Variants in STRN observed in about 807,000 individuals in gnomAD.
STRN encodes the protein protein phosphatase 2 regulatory subunit B'''alpha.
A neutral mutation model predicts 96.3 loss-of-function variants in STRN; 53 were observed. The observed-to-expected ratio is 0.55, with a 90% CI of 0.44 to 0.69. The LOEUF (loss-of-function observed/expected upper bound fraction) is 0.69. Among genes scored for constraint, STRN ranks in the 30% least tolerant of loss-of-function variants. The pLI, the probability that STRN is intolerant of heterozygous loss-of-function variation, is 0.00. For missense variants in STRN, 987 were observed against 963.9 expected (o/e 1.02, Z -0.32); for synonymous variants, 428 against 355.9 (o/e 1.20, Z -2.28).
At chr2:36,931,259 G>A (rs1210234635) in intron 1 of STRN, among the ~76,000 whole-genome samples, 1 of 151,992 alleles carries the variant, frequency 6.6e-6, no homozygotes, top group Non-Finnish European at 1.5e-5. Flanking sequence ...TATACTTTTG[G>A]CAGTCTCCTG....
In STRN at chr2:36,905,672, TCTTAATTCATTA is replaced by T. The variant is rs1174007454; in HGVS notation, c.413-66_413-55del. On this transcript the variant is annotated intron_variant, in intron 3 of 17. Coordinates refer to ENST00000263918, the MANE Select transcript of STRN (RefSeq NM_003162.4). Reference sequence around the variant, plus strand: ...GACTTGTTTTACGTATTAGAGGGCATCTTAATTCATTAATAACGTCCAATAAACATTTATAAG... The same window carrying T: ...GACTTGTTTTACGTATTAGAGGGCATATAACGTCCAATAAACATTTATAAG... The T allele has an allele frequency of 8.0e-5, 114 of 1,425,078 alleles. 1 individual carries two copies. In the South Asian group the frequency reaches 1.1e-3, roughly 14 times the overall value. The allele number at this position is 1,425,078 out of a possible 1,614,324, so 88.3% of individuals were successfully genotyped here. A position where few individuals can be genotyped will look rare whatever the true frequency, so the allele number is the denominator to read the frequency against.
intron 16 of STRN, among the ~76,000 whole-genome samples, chr2:36,850,013 ACTTTTGT>A (rs1359891459): frequency 3.3e-5 from 5 of 152,218 alleles, no homozygotes; most frequent in Admixed American, 6.5e-5. Flanking sequence ...TTTAGATTAC[ACTTTTGT>A]CTTTTAAGCC....
intron 1 of STRN, among the ~76,000 whole-genome samples, chr2:36,928,143 C>G (rs963915002): frequency 6.6e-6 from 1 of 151,474 alleles, no homozygotes; most frequent in Non-Finnish European, 1.5e-5. Context: ...TAAAAAAAAA[C>G]GAATTCCTTC....
Position 36,899,534 on chromosome 2 carries a change from CA to C in STRN, c.783del (p.Ile261MetfsTer25). The C allele has an allele frequency of 6.2e-7, 1 of 1,612,354 alleles. No individual in the cohort carries two copies. Among genetic ancestry groups the C allele is most frequent in the Non-Finnish European group, 8.5e-7 (1 of 1,179,638 alleles). On this transcript the variant is annotated frameshift_variant, in exon 6 of 18. Transcript: ENST00000263918. LOFTEE classifies it high-confidence loss of function. ...DDVDGREKSV[I>X]DTSTIVRKKA... ...GTTATCTAACTCACTGTTGAAGTAT[CA>C]ATGACGCTTTTCTCTCTTCCATCAA...
At position 36,949,077 on chromosome 2, in the gene STRN, C is replaced by T. The variant is rs1055791451; in HGVS notation, c.234+17153G>A. ...AGGTTATACCATAATTTGGCTGTACCTTCTCTACGTTTATGGCTTGGATAT... is the reference window on the plus strand; with the variant it reads ...AGGTTATACCATAATTTGGCTGTACTTTCTCTACGTTTATGGCTTGGATAT... On this transcript the variant is annotated intron_variant, in intron 1 of 17. Coordinates refer to ENST00000263918, the MANE Select transcript of STRN (RefSeq NM_003162.4). 2.0e-5 allele frequency among the ~76,000 whole-genome samples: 3 copies of T among 152,176 alleles called. No homozygotes were observed. In the South Asian group the frequency reaches 6.2e-4, roughly 32 times the overall value.
Position 36,849,628 on chromosome 2 carries a change from A to G in STRN, c.2174-3T>C. The G allele has an allele frequency of 6.2e-7, 1 of 1,612,238 alleles. No individual in the cohort carries two copies. The highest frequency in any genetic ancestry group is 8.5e-7 in the Non-Finnish European group (1 of 1,179,526). The stretch of plus-strand genomic sequence containing the variant: ...TAAACGTATTGAACAGTCATGACCT[A>G]TATCCAAAAAAAAAATTAAAAGGAA... On this transcript the variant is annotated splice_region_variant and splice_polypyrimidine_tract_variant and intron_variant, in intron 17 of 17. Transcript: ENST00000263918.
chr2:36,881,640 G>T (rs1462842684), intron 9 of STRN, among the ~76,000 whole-genome samples: 1 of 152,166 alleles, frequency 6.6e-6, no homozygotes, highest in Non-Finnish European at 1.5e-5. Flanking sequence ...CAGATAGTAA[G>T]TTAAACAAAC....
rs957921597 is a variant in STRN at position 36,940,016 on chromosome 2, T to C, written c.235-14808A>G. ...AAACTTTGTTTAAGCATTTGGGTCATATTCCCACCATAGACATAGTTCAAT... is the reference window on the plus strand; with the variant it reads ...AAACTTTGTTTAAGCATTTGGGTCACATTCCCACCATAGACATAGTTCAAT... On this transcript the variant is annotated intron_variant, in intron 1 of 17. Transcript: ENST00000263918. 2.6e-5 allele frequency among the ~76,000 whole-genome samples: 4 copies of C among 152,238 alleles called. No homozygotes were observed. The East Asian group carries it at 7.7e-4, about 29-fold the overall frequency.
At chr2:36,936,418 A>G (rs187737033) in intron 1 of STRN, among the ~76,000 whole-genome samples, 20 of 152,348 alleles carry the variant, frequency 1.3e-4, no homozygotes, top group African/African-American at 3.8e-4. Flanking sequence ...ATGTGGAATT[A>G]AGAGAGAAAT....
intron 7 of STRN, 104 bp from the exon 8 acceptor site, chr2:36,886,930 C>G (rs1161940589): frequency 2.4e-6 from 2 of 828,632 alleles, no homozygotes; most frequent in Non-Finnish European, 3.6e-6. Context: ...TATAGTATCA[C>G]TAACTTAAAA....
chr2:36,902,535 T>TTA, intron 5 of STRN, 49 bp downstream of exon 5: 1 of 1,460,176 alleles, frequency 6.8e-7, no homozygotes, highest in South Asian at 1.5e-5. Context: ...CCAAAAATAT[T>TTA]TAATAAGAAC....
chr2:36,850,000 A>C (rs1668181205), intron 16 of STRN, among the ~76,000 whole-genome samples, 200 bp from the exon 17 acceptor site: 1 of 152,216 alleles, frequency 6.6e-6, no homozygotes, highest in Non-Finnish European at 1.5e-5. Flanking sequence ...AAAAAGCTCA[A>C]ATTTTAGATT....
chr2:36,929,081 A>G (rs1670499605), intron 1 of STRN, among the ~76,000 whole-genome samples: 1 of 152,210 alleles, frequency 6.6e-6, no homozygotes, highest in Admixed American at 6.5e-5. Context: ...ATTATCTTCA[A>G]GGAAAATGAA....
intron 9 of STRN, among the ~76,000 whole-genome samples, chr2:36,880,054 C>T (rs766265934): frequency 6.6e-6 from 1 of 152,142 alleles, no homozygotes; most frequent in Non-Finnish European, 1.5e-5. Context: ...GCAACGTACA[C>T]CTCCCAGGTT....
At chr2:36,855,662 G>A (rs755958666) in intron 14 of STRN, among the ~76,000 whole-genome samples, 7 of 152,008 alleles carry the variant, frequency 4.6e-5, no homozygotes, top group Non-Finnish European at 8.8e-5. Context: ...TGCTGCTTCC[G>A]CCCAACCTCA....
chr2:36,853,249 G>C (rs987798608), intron 15 of STRN, among the ~76,000 whole-genome samples: 4 of 152,170 alleles, frequency 2.6e-5, no homozygotes, highest in Non-Finnish European at 4.4e-5. Flanking sequence ...ACAAAGAGAT[G>C]TTTATTTATA....
chr2:36,851,024 T>C lies in STRN; in HGVS notation c.2062A>G (p.Ile688Val). 1 of 1,612,376 alleles carries C rather than the reference T, an allele frequency of 6.2e-7. No individual in the cohort carries two copies. The highest frequency in any genetic ancestry group is 8.5e-7 in the Non-Finnish European group (1 of 1,179,038). Residue 688 changes from isoleucine (I) to valine (V), a missense_variant, in exon 16 of 18, where the codon ATC (isoleucine) becomes GTC (valine). Transcript: ENST00000263918. The stretch of plus-strand genomic sequence containing the variant: ...CCTGTATTGTTATCATAGAATTTGA[T>C]GTGCCTGTCTTCATGAGCAGTGATG... ...ISITAHEDRH[I>V]KFYDNNTGKL...
intron 5 of STRN, among the ~76,000 whole-genome samples, chr2:36,901,056 C>A (rs1669669074): frequency 6.6e-6 from 1 of 151,224 alleles, no homozygotes; most frequent in South Asian, 2.1e-4. Context: ...CAAAAGAGAT[C>A]TATTTTAAAT....
intron 3 of STRN, among the ~76,000 whole-genome samples, chr2:36,915,031 AT>A (rs1418046487): frequency 6.6e-6 from 1 of 151,358 alleles, no homozygotes; most frequent in Non-Finnish European, 1.5e-5. Flanking sequence ...CCCCGTCTCT[AT>A]TAAAAATACA....
Sources: allele counts gnomAD v4.1 joint callset (sites outside exome capture counted in the v4.1 genomes callset), GRCh38; gene constraint gnomAD v4.1.1; transcripts MANE v1.5; gene names NCBI Gene and HGNC (gene_info 2026-07-23, HGNC 2026-07-21).